CNTN4: variants seen among roughly 807,000 people sequenced by gnomAD.
The protein encoded by CNTN4 is contactin 4, also known as contactin-4.
CNTN4 carries 77 observed loss-of-function variants against 122.5 expected under a neutral mutation model. That is an observed-to-expected ratio of 0.63 (90% confidence interval 0.52 to 0.76). CNTN4 has a LOEUF of 0.76. Among genes scored for constraint, CNTN4 ranks in the 30% least tolerant of loss-of-function variants. The pLI is 0.00. For synonymous variants in CNTN4, 512 were observed against 447.0 expected, an observed-to-expected ratio of 1.15 and a Z score of -1.83; for missense variants, 1,256 against 1,259.1, an observed-to-expected ratio of 1.00 and a Z score of 0.04.
chr3:2,332,530 A>G (rs979858362), intron 2 of CNTN4, among the ~76,000 whole-genome samples: 8 of 152,056 alleles, frequency 5.3e-5, no homozygotes, highest in African/African-American at 1.9e-4. Flanking sequence ...AGAAAATACC[A>G]CTGTTCTGAG....
intron 3 of CNTN4, among the ~76,000 whole-genome samples, chr3:2,372,569 A>G (rs1032241372): frequency 1.3e-5 from 2 of 152,222 alleles, no homozygotes; most frequent in Admixed American, 6.5e-5. Flanking sequence ...ATGTGAGTTT[A>G]TAAAGGAAAG....
rs1317606760 is a variant in CNTN4 at position 2,883,189 on chromosome 3, G to C, written c.697G>C (p.Glu233Gln). 1.2e-6 allele frequency: 2 copies of C among 1,613,802 alleles called. No homozygotes were observed. Among genetic ancestry groups the C allele is most frequent in the Non-Finnish European group, 1.7e-6 (2 of 1,179,890 alleles). Residue 233 changes from glutamate to glutamine, a missense_variant, in exon 9 of 25, where the codon GAA (glutamate) becomes CAA (glutamine). Transcript: ENST00000418658. ...GCCCAAAATAGAAGTGCAGTTCCCA[G>C]AAACAGTTCCGACTGCAAAAGGAGC... ...YEPKIEVQFP[E>Q]TVPTAKGATV...
chr3:2,659,480 AAAG>A lies in CNTN4; in HGVS notation c.56-76717_56-76715del, dbSNP rs781000822. 2.6e-3 allele frequency among the ~76,000 whole-genome samples: 343 copies of A among 132,554 alleles called. 3 individuals are homozygous for A. The highest frequency in any genetic ancestry group is 8.7e-3 in the African/African-American group (305 of 35,188). The allele number at this position is 132,554 out of a possible 152,430, so 87.0% of individuals were successfully genotyped here. ...CATCTCAAAAAAAAAAAAAAAAAAAAAAGAAGAAGAAGAAGAAGAAAAAGAAGG... is the reference window on the plus strand; with the variant it reads ...CATCTCAAAAAAAAAAAAAAAAAAAAAAGAAGAAGAAGAAGAAAAAGAAGG... On this transcript the variant is annotated intron_variant, in intron 4 of 24. Transcript: ENST00000418658.
intron 4 of CNTN4, among the ~76,000 whole-genome samples, chr3:2,668,401 A>G (rs1398348940): frequency 6.6e-6 from 1 of 151,998 alleles, no homozygotes; most frequent in Non-Finnish European, 1.5e-5. Context: ...TTTGTCTGTT[A>G]TTGGTATATA....
chr3:2,858,682 G>C (rs1432469749), intron 7 of CNTN4, among the ~76,000 whole-genome samples: 1 of 150,768 alleles, frequency 6.6e-6, no homozygotes, highest in African/African-American at 2.4e-5. Flanking sequence ...ACTCCAGCCT[G>C]AGTGACAGAG....
chr3:2,123,003 C>G (rs377002790), intron 2 of CNTN4, among the ~76,000 whole-genome samples: 7 of 152,126 alleles, frequency 4.6e-5, no homozygotes, highest in East Asian at 1.9e-4. Flanking sequence ...CATGACTGGA[C>G]GAGCCATTCT....
intron 4 of CNTN4, among the ~76,000 whole-genome samples, chr3:2,575,806 CTTCTTTTTTTTT>C (rs2079639292): frequency 9.4e-6 from 1 of 106,722 alleles, no homozygotes; most frequent in Admixed American, 1.3e-4. Context: ...CTTTCTTCTT[CTTCTTTTTTTTT>C]TTTTTTTTTT....
At chr3:2,438,390 T>C (rs1391534212) in intron 3 of CNTN4, among the ~76,000 whole-genome samples, 2 of 152,042 alleles carry the variant, frequency 1.3e-5, no homozygotes, top group African/African-American at 4.8e-5. Flanking sequence ...GGCATGGCGG[T>C]GCGTGCCTGT....
At chr3:2,607,834 G>A (rs567922259) in intron 4 of CNTN4, among the ~76,000 whole-genome samples, 1 of 151,868 alleles carries the variant, frequency 6.6e-6, no homozygotes, top group African/African-American at 2.4e-5. Context: ...ATTATGTAGG[G>A]TATCAATTTA....
At chr3:2,131,370 G>T (rs2034444868) in intron 2 of CNTN4, among the ~76,000 whole-genome samples, 1 of 152,170 alleles carries the variant, frequency 6.6e-6, no homozygotes, top group South Asian at 2.1e-4. Flanking sequence ...AATACGAAGG[G>T]TATCAGGTGA....
At chr3:2,919,622 C>T (rs1459255059) in intron 12 of CNTN4, among the ~76,000 whole-genome samples, 3 of 152,098 alleles carry the variant, frequency 2.0e-5, no homozygotes, top group African/African-American at 4.8e-5. Flanking sequence ...TAGCAGACTT[C>T]GCATACTGTA....
chr3:2,627,178 C>T (rs1166745878), intron 4 of CNTN4, among the ~76,000 whole-genome samples: 1 of 152,140 alleles, frequency 6.6e-6, no homozygotes, highest in East Asian at 1.9e-4. Flanking sequence ...AAATTGGTCA[C>T]CCTACTTTGA....
chr3:2,155,207 C>T (rs1041098099), intron 2 of CNTN4, among the ~76,000 whole-genome samples: 4 of 152,204 alleles, frequency 2.6e-5, no homozygotes, highest in African/African-American at 7.2e-5. Flanking sequence ...ATCTCTGTCT[C>T]TCTCTATTCC....
chr3:2,373,108 C>T (rs995070696), intron 3 of CNTN4, among the ~76,000 whole-genome samples: 6 of 152,166 alleles, frequency 3.9e-5, no homozygotes, highest in Non-Finnish European at 8.8e-5. Flanking sequence ...TCTAATCCCC[C>T]TGGGGTTCCC....
chr3:2,801,594 C>G (rs1157884508), intron 6 of CNTN4, among the ~76,000 whole-genome samples: 1 of 152,048 alleles, frequency 6.6e-6, no homozygotes, highest in Non-Finnish European at 1.5e-5. Context: ...ACATGGGTCC[C>G]TGTTTTAAAA....
chr3:2,541,323 A>G (rs1293541026), intron 3 of CNTN4, among the ~76,000 whole-genome samples: 3 of 152,110 alleles, frequency 2.0e-5, no homozygotes, highest in South Asian at 4.1e-4. Context: ...AAAAATAGAC[A>G]ATATTAAAGC....
chr3:2,759,153 A>C (rs1472438679), intron 6 of CNTN4, among the ~76,000 whole-genome samples: 1 of 151,832 alleles, frequency 6.6e-6, no homozygotes, highest in Non-Finnish European at 1.5e-5. Flanking sequence ...TTAGTACTTC[A>C]TTTCTTTTTT....
intron 4 of CNTN4, among the ~76,000 whole-genome samples, chr3:2,621,503 G>GGT (rs796281278): frequency 5.9e-4 from 90 of 152,136 alleles, no homozygotes; most frequent in African/African-American, 2.0e-3. Flanking sequence ...GTCGGGGGGT[G>GGT]GGGGGCTAGT....
chr3:2,308,088 G>T (rs1332418817), intron 2 of CNTN4, among the ~76,000 whole-genome samples: 3 of 152,012 alleles, frequency 2.0e-5, no homozygotes, highest in African/African-American at 4.8e-5. Context: ...TTGACACAGG[G>T]TTATTCAGAT....
Sources: gnomAD v4.1 joint callset for allele counts (sites outside exome capture counted in the v4.1 genomes callset) on GRCh38, gnomAD v4.1.1 for gene constraint, MANE v1.5 for transcripts, NCBI Gene and HGNC (gene_info 2026-07-23, HGNC 2026-07-21) for gene names.